FOXN3: variants seen among roughly 807,000 people sequenced by gnomAD.
FOXN3 encodes forkhead box N3.
In FOXN3, 7 loss-of-function variants were observed where a neutral mutation model predicts 38.4. That is an observed-to-expected ratio of 0.18 (90% CI 0.10 to 0.34). The LOEUF is 0.34. Ranked by LOEUF, FOXN3 falls within the 10% of genes least tolerant of loss-of-function variation. The pLI is 1.00. For missense variants in FOXN3, 456 were observed against 613.4 expected (o/e 0.74, Z 2.71); for synonymous variants, 230 against 242.2 (o/e 0.95, Z 0.47).
intron 2 of FOXN3, among the ~76,000 whole-genome samples, chr14:89,383,936 C>T (rs1890726526): frequency 6.6e-6 from 1 of 151,734 alleles, no homozygotes; most frequent in South Asian, 2.1e-4. Context: ...ATTACAGGTG[C>T]CCACCACCAT....
intron 1 of FOXN3, among the ~76,000 whole-genome samples, chr14:89,487,798 G>C (rs116484283): frequency 6.6e-6 from 1 of 152,276 alleles, no homozygotes; most frequent in South Asian, 2.1e-4. Context: ...ATAACGGCTG[G>C]AGAGTGTCAA....
chr14:89,270,942 G>A (rs900208425), intron 4 of FOXN3, among the ~76,000 whole-genome samples: 2 of 152,118 alleles, frequency 1.3e-5, no homozygotes, highest in Admixed American at 6.5e-5. Flanking sequence ...GGAGAAAGAC[G>A]GGCAGAGGGA....
At chr14:89,451,724 C>CGACT (rs2139712297) in intron 1 of FOXN3, among the ~76,000 whole-genome samples, 1 of 152,218 alleles carries the variant, frequency 6.6e-6, no homozygotes, top group South Asian at 2.1e-4. Context: ...TTTTTATCTT[C>CGACT]GACTGTATTC....
At chr14:89,221,976 CGGCGCCCGGCTA>C (rs571431756) in intron 4 of FOXN3, among the ~76,000 whole-genome samples, 1 of 152,282 alleles carries the variant, frequency 6.6e-6, no homozygotes, top group East Asian at 1.9e-4. Flanking sequence ...GCGCCCGCCA[CGGCGCCCGGCTA>C]ATTTTTTGTA....
chr14:89,584,917 T>C (rs965085685), intron 1 of FOXN3, among the ~76,000 whole-genome samples: 3 of 152,184 alleles, frequency 2.0e-5, no homozygotes, highest in African/African-American at 4.8e-5. Context: ...GGTTTTACCG[T>C]GTTGGCCAGG....
At chr14:89,489,319 A>G (rs1222475849) in intron 1 of FOXN3, among the ~76,000 whole-genome samples, 1 of 152,244 alleles carries the variant, frequency 6.6e-6, no homozygotes, top group Non-Finnish European at 1.5e-5. Context: ...GAGGTATAGA[A>G]TTATCCTCCT....
intron 3 of FOXN3, 50 bp downstream of exon 3, chr14:89,350,622 A>C (rs1888931511): frequency 7.0e-7 from 1 of 1,425,252 alleles, no homozygotes; most frequent in Non-Finnish European, 9.2e-7. Flanking sequence ...GGTCTCTGCC[A>C]AAATAATGCC....
At chr14:89,488,356 A>C (rs1893495450) in intron 1 of FOXN3, among the ~76,000 whole-genome samples, 1 of 151,794 alleles carries the variant, frequency 6.6e-6, no homozygotes, top group Admixed American at 6.6e-5. Flanking sequence ...ATGTTTAATT[A>C]ATGTCTGGGC....
intron 5 of FOXN3, among the ~76,000 whole-genome samples, chr14:89,165,339 T>C (rs1017512141): frequency 6.6e-6 from 1 of 152,224 alleles, no homozygotes; most frequent in African/African-American, 2.4e-5. Context: ...TTAAATGAAC[T>C]GTCCTGAGCA....
chr14:89,340,841 A>C (rs1888594593), intron 3 of FOXN3, among the ~76,000 whole-genome samples: 1 of 152,160 alleles, frequency 6.6e-6, no homozygotes, highest in African/African-American at 2.4e-5. Context: ...ATTGTAGGGC[A>C]TGAATCAAAA....
At chr14:89,173,480 A>G (rs1001496189) in intron 5 of FOXN3, among the ~76,000 whole-genome samples, 2 of 152,262 alleles carry the variant, frequency 1.3e-5, no homozygotes, top group African/African-American at 4.8e-5. Flanking sequence ...AATCTGAGAC[A>G]TGTATAAGAA....
At chr14:89,497,846 C>T (rs1893717377) in intron 1 of FOXN3, among the ~76,000 whole-genome samples, 1 of 152,198 alleles carries the variant, frequency 6.6e-6, no homozygotes, top group African/African-American at 2.4e-5. Context: ...TACCACTTTA[C>T]ATTCCTACAG....
intron 2 of FOXN3, among the ~76,000 whole-genome samples, chr14:89,388,295 C>A (rs1022208039): frequency 1.4e-4 from 21 of 152,130 alleles, no homozygotes; most frequent in African/African-American, 5.1e-4. Flanking sequence ...GCCATCTGAG[C>A]AAAGGATACA....
chr14:89,579,325 A>C (rs929819480), intron 1 of FOXN3, among the ~76,000 whole-genome samples: 5 of 138,346 alleles, frequency 3.6e-5, no homozygotes, highest in African/African-American at 5.5e-5. Flanking sequence ...TAATTTATTT[A>C]TGTTTTTTTT....
intron 3 of FOXN3, among the ~76,000 whole-genome samples, chr14:89,293,080 A>G (rs1184953590): frequency 6.6e-6 from 1 of 151,976 alleles, no homozygotes; most frequent in Non-Finnish European, 1.5e-5. Context: ...TTTTCTTCTC[A>G]TGCTCTTTTC....
intron 1 of FOXN3, among the ~76,000 whole-genome samples, chr14:89,490,947 A>G (rs146531306): frequency 6.6e-6 from 1 of 152,166 alleles, no homozygotes; most frequent in East Asian, 1.9e-4. Context: ...ATACATTTAC[A>G]TATTAGTTAA....
intron 1 of FOXN3, among the ~76,000 whole-genome samples, chr14:89,517,863 C>T (rs1012715170): frequency 3.3e-5 from 5 of 152,148 alleles, no homozygotes; most frequent in Non-Finnish European, 7.3e-5. Flanking sequence ...AAAGACAGCC[C>T]GTGTGTATTG....
chr14:89,479,691 C>T (rs1045201443), intron 1 of FOXN3, among the ~76,000 whole-genome samples: 5 of 152,102 alleles, frequency 3.3e-5, no homozygotes, highest in African/African-American at 9.7e-5. Context: ...ACATTAAATG[C>T]CTTCTACCAC....
intron 3 of FOXN3, among the ~76,000 whole-genome samples, chr14:89,286,560 C>G (rs984769120): frequency 6.6e-6 from 1 of 152,178 alleles, no homozygotes; most frequent in Non-Finnish European, 1.5e-5. Context: ...CATCTACCAC[C>G]AGACTGCAAT....
Sources: allele counts gnomAD v4.1 joint callset (sites outside exome capture counted in the v4.1 genomes callset), GRCh38; gene constraint gnomAD v4.1.1; transcripts MANE v1.5; gene names NCBI Gene and HGNC (gene_info 2026-07-23, HGNC 2026-07-21).